The following CFAP47 variants were observed in gnomAD, a reference collection of about 807,000 sequenced individuals.
The protein encoded by CFAP47 is cilia- and flagella-associated protein 47.
In CFAP47, 29 loss-of-function variants were observed where a neutral mutation model predicts 148.1. The ratio of observed to expected loss-of-function variants is 0.20; its 90% CI spans 0.15 to 0.27. The LOEUF (loss-of-function observed/expected upper bound fraction) is 0.27, where lower values mean the gene tolerates loss of function less well. Among genes scored for constraint, CFAP47 ranks in the 10% least tolerant of loss-of-function variants. The pLI, the probability that CFAP47 is intolerant of heterozygous loss-of-function variation, is 1.00. For missense variants in CFAP47, 1,872 were observed against 1,697.5 expected (o/e 1.10, Z -1.81); for synonymous variants, 664 against 577.3 (o/e 1.15, Z -2.15).
At chrX:36,149,294 T>C (rs996856183) in intron 37 of CFAP47, 71 bp downstream of exon 37, 7 of 278,630 alleles carry the variant, frequency 2.5e-5, no homozygotes, top group African/African-American at 2.0e-4. Flanking sequence ...AATTATAAAA[T>C]GTGACTTTGA....
intron 2 of CFAP47, among the ~76,000 whole-genome samples, chrX:35,933,726 T>G (rs1320218815): frequency 8.9e-6 from 1 of 112,092 alleles, no homozygotes; most frequent in Non-Finnish European, 1.9e-5. Flanking sequence ...ACATCCTTGC[T>G]AGCATTTGTT....
At chrX:36,266,947 T>C (rs73458301) in intron 49 of CFAP47, among the ~76,000 whole-genome samples, 4,823 of 110,509 alleles carry the variant, frequency 0.044, 308 homozygotes, top group African/African-American at 0.15. Context: ...CTCTTCAACC[T>C]CTCTCAGTGC....
intron 45 of CFAP47, among the ~76,000 whole-genome samples, chrX:36,222,015 G>A (rs1454537792): frequency 9.0e-6 from 1 of 111,440 alleles, no homozygotes; most frequent in Non-Finnish European, 1.9e-5. Context: ...GTAATGATTG[G>A]CCATCCTTGC....
At chrX:36,281,747 G>T (rs1279535389) in intron 50 of CFAP47, among the ~76,000 whole-genome samples, 2 of 112,321 alleles carry the variant, frequency 1.8e-5, no homozygotes, top group African/African-American at 3.2e-5. Flanking sequence ...GTTGACACAT[G>T]AAATTAAGCA....
intron 39 of CFAP47, among the ~76,000 whole-genome samples, chrX:36,172,284 C>T (rs1452784983): frequency 9.7e-6 from 1 of 103,551 alleles, no homozygotes; most frequent in Admixed American, 1.1e-4. Context: ...ATTGAATACC[C>T]TTTATTTCCT....
intron 23 of CFAP47, among the ~76,000 whole-genome samples, chrX:36,035,191 C>T (rs1281543644): frequency 9.0e-6 from 1 of 111,430 alleles, no homozygotes; most frequent in African/African-American, 3.3e-5. Flanking sequence ...TAACCTGTGG[C>T]CTATTAAAAT....
At position 35,924,292 on chromosome X, in the gene CFAP47, T is replaced by C. The variant is rs188782209; in HGVS notation, c.250-1725T>C. Among the ~76,000 whole-genome samples the C allele has an allele frequency of 2.8e-3, 297 of 105,636 alleles. 20 individuals carry two copies. Among genetic ancestry groups the C allele is most frequent in the African/African-American group, 9.9e-3 (268 of 27,187 alleles). The allele number at this position is 105,636 out of a possible 115,157, so 91.7% of individuals were successfully genotyped here. The stretch of plus-strand genomic sequence containing the variant: ...ACATGTATGTGTATATGTACATGTA[T>C]GTGTACACATATGTATATATGTACA... On this transcript the variant is annotated intron_variant, in intron 1 of 63. Transcript: ENST00000378653.
chrX:36,139,990 C>A (rs1939112281), intron 35 of CFAP47, among the ~76,000 whole-genome samples: 1 of 111,077 alleles, frequency 9.0e-6, no homozygotes, highest in Admixed American at 9.6e-5. Flanking sequence ...ATTTTAAGGA[C>A]AAACTCTAAT....
chrX:36,106,487 C>G (rs1406394118), intron 33 of CFAP47, among the ~76,000 whole-genome samples: 1 of 111,770 alleles, frequency 8.9e-6, no homozygotes, highest in Non-Finnish European at 1.9e-5. Context: ...GATTAAGGTA[C>G]TGGCAGGTTC....
chrX:36,048,787 C>T (rs766976739), intron 26 of CFAP47, among the ~76,000 whole-genome samples: 1 of 111,702 alleles, frequency 9.0e-6, no homozygotes, highest in South Asian at 3.8e-4. Context: ...TTTGCATCAA[C>T]CTAAATATAT....
intron 42 of CFAP47, among the ~76,000 whole-genome samples, chrX:36,198,157 C>T (rs1350326980): frequency 2.7e-5 from 3 of 111,162 alleles, no homozygotes; most frequent in African/African-American, 9.8e-5. Flanking sequence ...ATCCTGAGAA[C>T]ATGTGCCCTA....
intron 8 of CFAP47, among the ~76,000 whole-genome samples, chrX:35,957,201 C>G (rs1936258931): frequency 1.2e-5 from 1 of 80,958 alleles, no homozygotes; most frequent in Non-Finnish European, 2.2e-5. Context: ...GAGTGAGACT[C>G]CATCTCAAAA....
intron 52 of CFAP47, among the ~76,000 whole-genome samples, chrX:36,300,089 T>C (rs1020381450): frequency 9.0e-6 from 1 of 111,384 alleles, no homozygotes; most frequent in African/African-American, 3.3e-5. Flanking sequence ...TTTTGGCTAA[T>C]ACTTACTGTC....
chrX:36,236,271 C>A (rs1362993034), intron 47 of CFAP47, among the ~76,000 whole-genome samples, 194 bp downstream of exon 47: 1 of 112,026 alleles, frequency 8.9e-6, no homozygotes, highest in East Asian at 2.8e-4. Flanking sequence ...ATGAACATAA[C>A]AATATTTTTG....
Position 36,348,250 on chromosome X carries a change from T to G in CFAP47, c.8565T>G (p.Pro2855=). Residue 2855 remains proline, a synonymous_variant, in exon 58 of 64, where the codon CCT becomes CCG. Transcript: ENST00000378653. ...CGAAAGCAAATGGAAAATATTGGCC[T>G]ATTGACAATTTTGATGAGTTGGATA... ...EMTKANGKYW[P]IDNFDELDIK... 1 of 1,036,674 alleles carries G rather than the reference T, an allele frequency of 9.6e-7. No individual in the cohort carries two copies. The highest frequency in any genetic ancestry group is 1.2e-6 in the Non-Finnish European group (1 of 803,339). The allele number at this position is 1,036,674 out of a possible 1,213,427, so 85.4% of individuals were successfully genotyped here.
chrX:36,342,545 A>T (rs1436444817), intron 57 of CFAP47, among the ~76,000 whole-genome samples: 2 of 112,024 alleles, frequency 1.8e-5, no homozygotes, highest in Non-Finnish European at 3.8e-5. Context: ...ACTTCTAGGA[A>T]ATCCTGAAAT....
intron 39 of CFAP47, among the ~76,000 whole-genome samples, chrX:36,169,828 G>A (rs1054289278): frequency 3.6e-5 from 4 of 111,426 alleles, no homozygotes; most frequent in African/African-American, 6.5e-5. Flanking sequence ...ACACATAATT[G>A]CTGTGGATTG....
chrX:36,105,676 A>G (rs1410794572), intron 33 of CFAP47, among the ~76,000 whole-genome samples: 1 of 112,211 alleles, frequency 8.9e-6, no homozygotes, highest in East Asian at 2.8e-4. Context: ...TCTTATAAAA[A>G]TATATTTGCC....
At chrX:36,002,301 C>T (rs759995633) in intron 21 of CFAP47, among the ~76,000 whole-genome samples, 23 of 111,279 alleles carry the variant, frequency 2.1e-4, no homozygotes, top group South Asian at 3.9e-4. Flanking sequence ...CTTCTCTCTA[C>T]GCATGATATG....
Sources: gnomAD v4.1 joint callset for allele counts (sites outside exome capture counted in the v4.1 genomes callset) on GRCh38, gnomAD v4.1.1 for gene constraint, MANE v1.5 for transcripts, NCBI Gene and HGNC (gene_info 2026-07-23, HGNC 2026-07-21) for gene names.